SAC3D1: variants seen among roughly 807,000 people sequenced by gnomAD.
SAC3D1 encodes the protein SAC3 domain containing 1, also known as SAC3 domain-containing protein 1.
Under a neutral mutation model 12.7 loss-of-function variants are expected in SAC3D1, and 10 were observed. The ratio of observed to expected loss-of-function variants is 0.79; its 90% CI spans 0.49 to 1.34. The LOEUF is 1.34. SAC3D1 is among the 40% of genes most tolerant of loss of function. The pLI is 0.00. For synonymous variants in SAC3D1, 241 were observed against 250.8 expected (o/e 0.96, Z 0.37); for missense variants, 482 against 531.1 (o/e 0.91, Z 0.91).
chr11:65,041,260 G>A lies in SAC3D1; in HGVS notation c.-33G>A, dbSNP rs1030458927. 1.3e-6 allele frequency: 2 copies of A among 1,485,964 alleles called. No individual in the cohort carries two copies. The highest frequency in any genetic ancestry group is 2.8e-5 in the East Asian group (1 of 35,314). 92.0% of individuals were successfully genotyped at this position (1,485,964 alleles called of 1,614,324 possible). The stretch of plus-strand genomic sequence containing the variant: ...CCCGCAGCACTGCCGTCCCCGGGAT[G>A]CTGAGCGCCCACCGTCTCCCCGCAG... On this transcript the variant is annotated 5_prime_UTR_variant, in exon 1 of 2. It removes an upstream start codon present in the reference 5' UTR. Transcript: ENST00000652489.
At chr11:65,043,125 G>A in intron 1 of SAC3D1, 1 of 430,796 alleles carries the variant, frequency 2.3e-6, no homozygotes, top group South Asian at 1.6e-5. Flanking sequence ...CCCAGTGAAT[G>A]GTTTATTTTT....
At position 65,041,326 on chromosome 11, in the gene SAC3D1, C is replaced by G. The variant is rs1164928647; in HGVS notation, c.34C>G (p.Pro12Ala). Residue 12 changes from proline to alanine, a missense_variant, in exon 1 of 2, where the codon CCG becomes GCG. Pro to Ala is a conservative substitution (Grantham distance 27). Transcript: ENST00000652489. ...CTGCGAGCTGCCCGTGGGCACCTGC[C>G]CGGACATGTGCCCGGCCGCCGAGCG... ...PGCELPVGTCPDMCPAAERAQ... is the reference protein window; with the variant it reads ...PGCELPVGTCADMCPAAERAQ... 9 of 1,510,476 alleles carry G rather than the reference C, an allele frequency of 6.0e-6. No individual in the cohort carries two copies. The East Asian group carries it at 2.1e-4, about 35-fold the overall frequency. The allele number at this position is 1,510,476 out of a possible 1,614,324, so 93.6% of individuals were successfully genotyped here.
rs1323708631 is a variant in SAC3D1 at position 65,041,445 on chromosome 11, G to T, written c.153G>T (p.Val51=). 1.3e-6 allele frequency: 2 copies of T among 1,501,490 alleles called. No individual in the cohort carries two copies. The highest frequency in any genetic ancestry group is 2.1e-5 in the Admixed American group (1 of 47,502). The allele number at this position is 1,501,490 out of a possible 1,614,324, so 93.0% of individuals were successfully genotyped here. The change falls in exon 1 of 2, where the codon GTG becomes GTT. Residue 51 remains valine (V), a synonymous_variant. Coordinates refer to ENST00000652489, the MANE Select transcript of SAC3D1 (RefSeq NM_013299.4). ...DPPRADPQRA[V]KEYSRPAAGK... ...CCCGCGCGGATCCGCAGCGCGCGGT[G>T]AAGGAGTACAGCCGACCCGCCGCCG...
At chr11:65,041,895 A>G in intron 1 of SAC3D1, 29 bp downstream of exon 1, 1 of 1,406,078 alleles carries the variant, frequency 7.1e-7, no homozygotes. Flanking sequence ...GGCTGGGCAG[A>G]GCGTGGGGAC....
At chr11:65,041,010 G>A, upstream of SAC3D1, 1 of 508,716 alleles carries the variant, frequency 2.0e-6, no homozygotes. Context: ...CTTGGCGCTC[G>A]ATGGGGGCCG....
At chr11:65,041,158 C>A, upstream of SAC3D1, 1 of 869,476 alleles carries the variant, frequency 1.2e-6, no homozygotes. Flanking sequence ...GGGATCATGG[C>A]GGGAAGGCGG....
chr11:65,043,241 G>A (rs1370176598), intron 1 of SAC3D1: 4 of 240,694 alleles, frequency 1.7e-5, no homozygotes, highest in African/African-American at 7.1e-5. Flanking sequence ...ACACAGCACT[G>A]GTTAACAGTA....
Position 65,044,777 on chromosome 11 carries a change from G to A in SAC3D1, c.*50G>A, listed in dbSNP as rs761312961. On this transcript the variant is annotated 3_prime_UTR_variant, in exon 2 of 2. Coordinates refer to ENST00000652489, the MANE Select transcript of SAC3D1 (RefSeq NM_013299.4). The surrounding 1 kb of genome is among the most constrained non-coding windows in gnomAD (Gnocchi z 4.0). The stretch of plus-strand genomic sequence containing the variant: ...CCCCAGGACTGGGCCAGAGCACTTA[G>A]GTTTCTTTTTCCATGGTTTCCAGGT... 107 of 1,556,672 alleles carry A rather than the reference G, an allele frequency of 6.9e-5. 1 individual carries two copies. The highest frequency in any genetic ancestry group is 9.0e-5 in the Non-Finnish European group (104 of 1,154,326).
chr11:65,042,100 A>C (rs987726717), intron 1 of SAC3D1, among the ~76,000 whole-genome samples: 7 of 142,106 alleles, frequency 4.9e-5, no homozygotes, highest in African/African-American at 1.8e-4. Context: ...CTAAATAGTG[A>C]TTTTCAAACT....
At chr11:65,041,119 A>T, upstream of SAC3D1, 2 of 658,076 alleles carry the variant, frequency 3.0e-6, no homozygotes, top group South Asian at 3.4e-5. Context: ...GAGAGGACAG[A>T]GGTGGCTCGA....
chr11:65,044,153 G>T lies in SAC3D1; in HGVS notation c.575-72G>T. 6.5e-7 allele frequency: 1 copy of T among 1,529,578 alleles called. No homozygotes were observed. 94.8% of individuals were successfully genotyped at this position (1,529,578 alleles called of 1,614,324 possible). A position where few individuals can be genotyped will look rare whatever the true frequency, so the allele number is the denominator to read the frequency against. On this transcript the variant is annotated intron_variant, in intron 1 of 1. Transcript: ENST00000652489. The surrounding 1 kb of genome is among the most constrained non-coding windows in gnomAD (Gnocchi z 4.0). ...GTGGTCGAGGAGAGAGGAAGGACAG[G>T]GTGTTGGGAGGGGAGATGAGCCTGA...
At chr11:65,043,013 T>A (rs527929267) in intron 1 of SAC3D1, 11 of 421,800 alleles carry the variant, frequency 2.6e-5, no homozygotes, top group South Asian at 6.7e-5. Context: ...CTTAAAAAAA[T>A]TTTTTTTGTA....
In SAC3D1 at chr11:65,041,290, C is replaced by T. The variant is rs776680670; in HGVS notation, c.-3C>T. Reference sequence around the variant, plus strand: ...GCGCCCACCGTCTCCCCGCAGCCCCCTCATGCCCGGCTGCGAGCTGCCCGT... The same window carrying T: ...GCGCCCACCGTCTCCCCGCAGCCCCTTCATGCCCGGCTGCGAGCTGCCCGT... On this transcript the variant is annotated 5_prime_UTR_variant, in exon 1 of 2. Coordinates refer to ENST00000652489, the MANE Select transcript of SAC3D1 (RefSeq NM_013299.4). 2 of 1,501,902 alleles carry T rather than the reference C, an allele frequency of 1.3e-6. No individual in the cohort carries two copies. Among genetic ancestry groups the T allele is most frequent in the Non-Finnish European group, 1.8e-6 (2 of 1,133,248 alleles). 93.0% of individuals were successfully genotyped at this position (1,501,902 alleles called of 1,614,324 possible).
upstream of SAC3D1, chr11:65,041,046 C>G: frequency 1.8e-6 from 1 of 558,668 alleles, no homozygotes; most frequent in Non-Finnish European, 3.1e-6. Flanking sequence ...CGCGCGGAGC[C>G]GCAGAGGCGT....
Position 65,041,219 on chromosome 11 carries a change from C to G in SAC3D1, c.-74C>G. On this transcript the variant is annotated 5_prime_UTR_variant, in exon 1 of 2. Coordinates refer to ENST00000652489, the MANE Select transcript of SAC3D1 (RefSeq NM_013299.4). ...GACCCGCCGCTCCCCACCCCCCGGC[C>G]GGCCTCGCGTGCCTTCCCGCAGCAC... 7.2e-7 allele frequency: 1 copy of G among 1,391,366 alleles called. No homozygotes were observed. Among genetic ancestry groups the G allele is most frequent in the Non-Finnish European group, 9.5e-7 (1 of 1,056,554 alleles). The allele number at this position is 1,391,366 out of a possible 1,614,324, so 86.2% of individuals were successfully genotyped here.
chr11:65,041,856 C>G lies in SAC3D1; in HGVS notation c.564C>G (p.Leu188=). The part of the protein sequence containing the change: ...RQPAFQGLFL[L]YNLGSVEALH... ...CCGCCTTCCAGGGCCTCTTTCTGCTCTATAACCTGGGTGAGTCGGGATCCT... is the reference window on the plus strand; with the variant it reads ...CCGCCTTCCAGGGCCTCTTTCTGCTGTATAACCTGGGTGAGTCGGGATCCT... Residue 188 remains leucine (L), a synonymous_variant, in exon 1 of 2, where the codon CTC becomes CTG. Transcript: ENST00000652489. 1 of 1,456,716 alleles carries G rather than the reference C, an allele frequency of 6.9e-7. No individual in the cohort carries two copies. Among genetic ancestry groups the G allele is most frequent in the East Asian group, 3.0e-5 (1 of 33,492 alleles). The allele number at this position is 1,456,716 out of a possible 1,614,324, so 90.2% of individuals were successfully genotyped here.
chr11:65,040,936 G>T, upstream of SAC3D1: 1 of 328,620 alleles, frequency 3.0e-6, no homozygotes, highest in Non-Finnish European at 5.7e-6. Flanking sequence ...GGACTACACC[G>T]GTGTATCATG....
Position 65,044,038 on chromosome 11 carries a change from A to G in SAC3D1, c.575-187A>G, listed in dbSNP as rs1946662682. 6.6e-6 allele frequency among the ~76,000 whole-genome samples: 1 copy of G among 152,236 alleles called. No homozygotes were observed. Among genetic ancestry groups the G allele is most frequent in the East Asian group, 1.9e-4 (1 of 5,202 alleles). ...TGGACTGCAGGAAGTCAAGAGCCTG[A>G]GGCCACTCATTCAAATATAGGTTGG... is the stretch of plus-strand genomic sequence containing the variant. On this transcript the variant is annotated intron_variant, in intron 1 of 1. Transcript: ENST00000652489. This position sits in a 1 kb window ranked among gnomAD's most constrained non-coding sequence, Gnocchi z 4.0.
At chr11:65,042,004 C>G (rs1455558970) in intron 1 of SAC3D1, 138 bp downstream of exon 1, 1 of 1,160,186 alleles carries the variant, frequency 8.6e-7, no homozygotes, top group Non-Finnish European at 1.1e-6. Context: ...CACCGAGCCC[C>G]GACGTGGGAC....
Sources: gnomAD v4.1 joint callset for allele counts (sites outside exome capture counted in the v4.1 genomes callset) on GRCh38, gnomAD v4.1.1 for gene constraint, Gnocchi (gnomAD v3.1) non-coding constraint, MANE v1.5 for transcripts, NCBI Gene and HGNC (gene_info 2026-07-23, HGNC 2026-07-21) for gene names.